PAK5: variants seen among roughly 807,000 people sequenced by gnomAD.
PAK5 encodes the protein serine/threonine-protein kinase PAK 5.
PAK5 carries 16 observed loss-of-function variants against 65.9 expected under a neutral mutation model. The ratio of observed to expected loss-of-function variants is 0.24; its 90% CI spans 0.16 to 0.37. The LOEUF (loss-of-function observed/expected upper bound fraction) is 0.37. PAK5 is among the 10% of genes least tolerant of loss of function. The pLI, the probability that PAK5 is intolerant of heterozygous loss-of-function variation, is 1.00. For missense variants in PAK5, 785 were observed against 903.9 expected (o/e 0.87, Z 1.69); for synonymous variants, 371 against 354.9 (o/e 1.05, Z -0.51).
At chr20:9,560,051 C>T (rs543305853) in intron 6 of PAK5, among the ~76,000 whole-genome samples, 1 of 152,292 alleles carries the variant, frequency 6.6e-6, no homozygotes, top group Admixed American at 6.5e-5. Flanking sequence ...CTCTTGAATT[C>T]CGTGAAATTT....
At chr20:9,694,891 A>G (rs376397311) in intron 2 of PAK5, among the ~76,000 whole-genome samples, 2 of 151,990 alleles carry the variant, frequency 1.3e-5, no homozygotes, top group East Asian at 3.9e-4. Flanking sequence ...TGTATGATGC[A>G]TTATTATTGG....
At position 9,641,577 on chromosome 20, in the gene PAK5, T is replaced by C. The variant is rs551765762; in HGVS notation, c.204+2548A>G. On this transcript the variant is annotated intron_variant, in intron 3 of 9. Coordinates refer to ENST00000353224, the MANE Select transcript of PAK5 (RefSeq NM_177990.4). Reference sequence around the variant, plus strand: ...CAGGTGGAGCTGCCTGCCAGTCCTGTGCGGTGCGCTCACATTCCTCAGCCC... The same window carrying C: ...CAGGTGGAGCTGCCTGCCAGTCCTGCGCGGTGCGCTCACATTCCTCAGCCC... Among the ~76,000 whole-genome samples the C allele has an allele frequency of 3.4e-4, 52 of 151,950 alleles. No individual in the cohort carries two copies. The South Asian group carries it at 6.5e-3, about 19-fold the overall frequency.
At chr20:9,671,092 G>A (rs939164127) in intron 2 of PAK5, among the ~76,000 whole-genome samples, 77 of 152,160 alleles carry the variant, frequency 5.1e-4, no homozygotes, top group South Asian at 4.2e-4. Context: ...GTAGATATGC[G>A]GCATTATTTC....
intron 2 of PAK5, among the ~76,000 whole-genome samples, chr20:9,663,706 T>C (rs2047376136): frequency 6.6e-6 from 1 of 152,158 alleles, no homozygotes; most frequent in Non-Finnish European, 1.5e-5. Context: ...TTTTCTGAGC[T>C]CTCGAGTAAA....
chr20:9,749,048 GA>G (rs33928848), intron 1 of PAK5, among the ~76,000 whole-genome samples: 32,843 of 151,928 alleles, frequency 0.22, 3,869 homozygotes, highest in East Asian at 0.31. Flanking sequence ...TATTGTGATT[GA>G]AAAACATATT....
Position 9,612,869 on chromosome 20 carries a change from G to A in PAK5, c.204+31256C>T, listed in dbSNP as rs141761807. ...GTTTCCTCATGACATTTATCACCAC[G>A]TGATGTTTATTAGTTTTTACTGTAT... On this transcript the variant is annotated intron_variant, in intron 3 of 9. Transcript: ENST00000353224. 1.7e-4 allele frequency among the ~76,000 whole-genome samples: 26 copies of A among 151,892 alleles called. No homozygotes were observed. In the East Asian group the frequency reaches 4.1e-3, roughly 24 times the overall value.
intron 2 of PAK5, among the ~76,000 whole-genome samples, chr20:9,684,016 C>T (rs1186248817): frequency 1.3e-5 from 2 of 152,168 alleles, no homozygotes; most frequent in African/African-American, 2.4e-5. Flanking sequence ...GAGAGTGGAA[C>T]AAAAGCCTGG....
chr20:9,662,069 T>C (rs969271351), intron 2 of PAK5, among the ~76,000 whole-genome samples: 34 of 152,280 alleles, frequency 2.2e-4, no homozygotes, highest in African/African-American at 7.9e-4. Flanking sequence ...ACTATGATTC[T>C]TGAATAATTT....
chr20:9,608,024 A>C (rs2046487244), intron 3 of PAK5, among the ~76,000 whole-genome samples: 1 of 152,136 alleles, frequency 6.6e-6, no homozygotes, highest in African/African-American at 2.4e-5. Flanking sequence ...TGGTGAGGGC[A>C]CACTTCCTGG....
intron 2 of PAK5, among the ~76,000 whole-genome samples, chr20:9,681,052 C>T (rs2047643049): frequency 6.6e-6 from 1 of 152,130 alleles, no homozygotes; most frequent in Non-Finnish European, 1.5e-5. Flanking sequence ...ATTTTTGCGT[C>T]TATGTTGAGG....
intron 1 of PAK5, among the ~76,000 whole-genome samples, chr20:9,797,646 A>T (rs1187175620): frequency 6.6e-6 from 1 of 151,814 alleles, no homozygotes; most frequent in African/African-American, 2.4e-5. Flanking sequence ...AAAGTATAAT[A>T]AAAAATATTC....
At chr20:9,821,600 G>C (rs781634374) in intron 1 of PAK5, among the ~76,000 whole-genome samples, 1 of 151,924 alleles carries the variant, frequency 6.6e-6, no homozygotes, top group African/African-American at 2.4e-5. Context: ...CATTCTCATC[G>C]AGAAAGCCAC....
At chr20:9,813,192 C>T (rs2049318055) in intron 1 of PAK5, among the ~76,000 whole-genome samples, 2 of 151,972 alleles carry the variant, frequency 1.3e-5, no homozygotes, top group Non-Finnish European at 2.9e-5. Context: ...TAATGAACAT[C>T]ACAGAAAACA....
intron 3 of PAK5, among the ~76,000 whole-genome samples, chr20:9,634,961 C>A (rs1210613561): frequency 2.0e-5 from 3 of 152,152 alleles, no homozygotes; most frequent in African/African-American, 7.2e-5. Context: ...AACAAAGGAT[C>A]AGCAATCTCT....
intron 1 of PAK5, among the ~76,000 whole-genome samples, chr20:9,819,970 A>G (rs951882093): frequency 6.6e-6 from 1 of 152,176 alleles, no homozygotes; most frequent in East Asian, 1.9e-4. Context: ...AAAGAAAACT[A>G]TACAGAAACA....
At chr20:9,558,144 T>C (rs1358122910) in intron 6 of PAK5, among the ~76,000 whole-genome samples, 2 of 151,716 alleles carry the variant, frequency 1.3e-5, no homozygotes, top group African/African-American at 4.8e-5. Flanking sequence ...GGTGTCTTGC[T>C]CTGTCACTTA....
intron 3 of PAK5, among the ~76,000 whole-genome samples, chr20:9,602,334 AT>A (rs2123111384): frequency 2.0e-5 from 3 of 149,490 alleles, no homozygotes; most frequent in Non-Finnish European, 3.0e-5. Flanking sequence ...AAATAAATAA[AT>A]AAATAAAATA....
At chr20:9,696,701 G>T (rs1298168286) in intron 2 of PAK5, among the ~76,000 whole-genome samples, 1 of 152,078 alleles carries the variant, frequency 6.6e-6, no homozygotes, top group Non-Finnish European at 1.5e-5. Flanking sequence ...TTGTATTATG[G>T]AGAAAAGCAA....
chr20:9,628,362 C>T (rs2046876469), intron 3 of PAK5, among the ~76,000 whole-genome samples: 1 of 152,166 alleles, frequency 6.6e-6, no homozygotes, highest in Non-Finnish European at 1.5e-5. Context: ...TTAAGCAATA[C>T]ATTGTCACTG....
Sources: allele counts gnomAD v4.1 joint callset (sites outside exome capture counted in the v4.1 genomes callset), GRCh38; gene constraint gnomAD v4.1.1; transcripts MANE v1.5; gene names NCBI Gene and HGNC (gene_info 2026-07-23, HGNC 2026-07-21).